NBEA: variants seen among roughly 807,000 people sequenced by gnomAD.
NBEA encodes the protein lysosomal-trafficking regulator 2.
Under a neutral mutation model 343.4 loss-of-function variants are expected in NBEA, and 44 were observed. That is an observed-to-expected ratio of 0.13 (90% CI 0.10 to 0.16). The LOEUF is 0.16. Ranked by LOEUF, NBEA falls within the 10% of genes least tolerant of loss-of-function variation. The pLI, the probability that NBEA is intolerant of heterozygous loss-of-function variation, is 1.00. For missense variants in NBEA, 2,555 were observed against 3,631.3 expected (o/e 0.70, Z 7.62); for synonymous variants, 1,175 against 1,238.7 (o/e 0.95, Z 1.08).
chr13:35,644,217 C>T (rs189377889), intron 49 of NBEA, among the ~76,000 whole-genome samples: 6 of 152,242 alleles, frequency 3.9e-5, no homozygotes, highest in Non-Finnish European at 7.4e-5. Context: ...CGTTCAGTGT[C>T]GAGAACTGAC....
intron 1 of NBEA, among the ~76,000 whole-genome samples, chr13:35,034,834 G>C (rs2062379642): frequency 6.6e-6 from 1 of 151,836 alleles, no homozygotes; most frequent in Admixed American, 6.6e-5. Context: ...GCTCACAGTA[G>C]CCACTAATGA....
At chr13:35,204,464 A>G (rs963852369) in intron 31 of NBEA, among the ~76,000 whole-genome samples, 1 of 152,096 alleles carries the variant, frequency 6.6e-6, no homozygotes, top group African/African-American at 2.4e-5. Context: ...ATCAGATCTC[A>G]TGAGACTTAT....
chr13:35,565,431 T>C (rs998646083), intron 44 of NBEA, among the ~76,000 whole-genome samples: 2 of 152,146 alleles, frequency 1.3e-5, no homozygotes, highest in African/African-American at 2.4e-5. Flanking sequence ...AGAGCAGATA[T>C]CATTTAATGT....
chr13:35,208,249 CAAAA>C (rs1263440137), intron 31 of NBEA, among the ~76,000 whole-genome samples: 1 of 151,708 alleles, frequency 6.6e-6, no homozygotes, highest in Non-Finnish European at 1.5e-5. Flanking sequence ...AATCAAAAAA[CAAAA>C]AAAGAATTTG....
intron 10 of NBEA, among the ~76,000 whole-genome samples, chr13:35,096,962 CT>C (rs1457524478): frequency 1.3e-5 from 2 of 151,464 alleles, no homozygotes; most frequent in Admixed American, 6.6e-5. Flanking sequence ...TGATAGTTTA[CT>C]TTTTTTTGTG....
intron 1 of NBEA, among the ~76,000 whole-genome samples, chr13:34,968,582 G>C (rs1306185422): frequency 6.6e-6 from 1 of 152,092 alleles, no homozygotes; most frequent in Non-Finnish European, 1.5e-5. Context: ...TAAATGAATG[G>C]CCAATGGCCG....
intron 36 of NBEA, among the ~76,000 whole-genome samples, chr13:35,340,788 G>A (rs900581832): frequency 6.6e-6 from 1 of 151,840 alleles, no homozygotes; most frequent in Non-Finnish European, 1.5e-5. Context: ...AGGTTTTAAT[G>A]GATTGGAAAA....
At chr13:35,593,617 A>T (rs1051975589) in intron 47 of NBEA, among the ~76,000 whole-genome samples, 170 bp downstream of exon 47, 1 of 152,138 alleles carries the variant, frequency 6.6e-6, no homozygotes, top group African/African-American at 2.4e-5. Flanking sequence ...TATAGAAAAT[A>T]ACTGAAAATT....
In NBEA at chr13:35,532,402, A is replaced by G. The variant is rs577036955; in HGVS notation, c.6586-18075A>G. Among the ~76,000 whole-genome samples, 34 of 152,270 alleles carry G rather than the reference A, an allele frequency of 2.2e-4. 1 individual carries two copies. Among genetic ancestry groups the G allele is most frequent in the Admixed American group, 1.8e-3 (28 of 15,294 alleles). The stretch of plus-strand genomic sequence containing the variant: ...TGGAGAGAAAAAGGGGTATTTTTCC[A>G]TATATATTCAAAGAGCCTTTTAAAT... On this transcript the variant is annotated intron_variant, in intron 41 of 58. Coordinates refer to ENST00000379939, the MANE Select transcript of NBEA (RefSeq NM_001385012.1).
chr13:35,147,026 A>G (rs201624369), intron 18 of NBEA, among the ~76,000 whole-genome samples: 5 of 152,146 alleles, frequency 3.3e-5, no homozygotes, highest in African/African-American at 7.2e-5. Flanking sequence ...CTCTGGAACA[A>G]AGCTGGGTTT....
chr13:35,570,755 T>C (rs1316161962), intron 45 of NBEA, among the ~76,000 whole-genome samples: 1 of 152,200 alleles, frequency 6.6e-6, no homozygotes, highest in Non-Finnish European at 1.5e-5. Context: ...AACCTGAGAC[T>C]ATCCTGTATA....
intron 38 of NBEA, among the ~76,000 whole-genome samples, chr13:35,410,739 C>G (rs1417665258): frequency 1.3e-5 from 2 of 152,050 alleles, no homozygotes; most frequent in East Asian, 3.9e-4. Context: ...GTACCCTTTA[C>G]AAACTTTTTA....
chr13:35,009,322 C>A (rs2061411162), intron 1 of NBEA, among the ~76,000 whole-genome samples: 1 of 152,090 alleles, frequency 6.6e-6, no homozygotes, highest in East Asian at 1.9e-4. Context: ...GTGGAAATTT[C>A]TGTGGAGAGC....
intron 8 of NBEA, among the ~76,000 whole-genome samples, chr13:35,064,721 A>G (rs143093195): frequency 1.3e-5 from 2 of 151,776 alleles, no homozygotes; most frequent in African/African-American, 2.4e-5. Context: ...CCCTAATCCA[A>G]TGTGACTAGT....
chr13:35,446,831 A>AT (rs774447417), intron 39 of NBEA, among the ~76,000 whole-genome samples: 26 of 152,092 alleles, frequency 1.7e-4, no homozygotes, highest in South Asian at 2.1e-4. Context: ...AAATATACCT[A>AT]TATATATAAC....
chr13:35,489,044 ATTTC>A (rs1226937177), intron 41 of NBEA, among the ~76,000 whole-genome samples: 9 of 151,446 alleles, frequency 5.9e-5, no homozygotes, highest in Non-Finnish European at 8.9e-5. Flanking sequence ...AAAGCCTTGA[ATTTC>A]TTTAAGTGCA....
At chr13:35,166,242 C>T (rs921187202) in intron 24 of NBEA, among the ~76,000 whole-genome samples, 1 of 152,018 alleles carries the variant, frequency 6.6e-6, no homozygotes, top group African/African-American at 2.4e-5. Context: ...TTAAAATATT[C>T]ACATTACTAA....
In NBEA at chr13:34,985,524, G is replaced by A. The variant is rs1041775882; in HGVS notation, c.294+42410G>A. Among the ~76,000 whole-genome samples the A allele has an allele frequency of 1.3e-5, 2 of 150,948 alleles. 1 individual carries two copies. Among genetic ancestry groups the A allele is most frequent in the Non-Finnish European group, 3.0e-5 (2 of 67,450 alleles). The stretch of plus-strand genomic sequence containing the variant: ...TCTTTTTTGTTGAGTCTCTGAACAG[G>A]CTTTGGTATCAGGATGATGCTGGCC... On this transcript the variant is annotated intron_variant, in intron 1 of 58. Coordinates refer to ENST00000379939, the MANE Select transcript of NBEA (RefSeq NM_001385012.1).
At chr13:35,368,531 A>G (rs564832427) in intron 38 of NBEA, among the ~76,000 whole-genome samples, 41 of 151,792 alleles carry the variant, frequency 2.7e-4, no homozygotes, top group South Asian at 8.3e-4. Flanking sequence ...TGAAATTGCA[A>G]TCTCATCCAT....
Sources: gnomAD v4.1 joint callset for allele counts (sites outside exome capture counted in the v4.1 genomes callset) on GRCh38, gnomAD v4.1.1 for gene constraint, MANE v1.5 for transcripts, NCBI Gene and HGNC (gene_info 2026-07-23, HGNC 2026-07-21) for gene names.